FRMD4A: variants seen among roughly 807,000 people sequenced by gnomAD.
FRMD4A encodes the protein FERM domain-containing protein 4A.
A neutral mutation model predicts 129.1 loss-of-function variants in FRMD4A; 29 were observed. The ratio of observed to expected loss-of-function variants is 0.22; its 90% CI spans 0.17 to 0.31. FRMD4A has a LOEUF of 0.31. Ranked by LOEUF, FRMD4A falls within the 10% of genes least tolerant of loss-of-function variation. The pLI is 1.00. For synonymous variants in FRMD4A, 634 were observed against 571.6 expected (o/e 1.11, Z -1.56); for missense variants, 1,272 against 1,375.8 (o/e 0.92, Z 1.19).
intron 2 of FRMD4A, among the ~76,000 whole-genome samples, chr10:13,888,068 C>T (rs1333862850): frequency 1.3e-5 from 2 of 152,130 alleles, no homozygotes; most frequent in East Asian, 3.9e-4. Context: ...ACTCCAAAGC[C>T]CAAAGTTCCA....
intron 2 of FRMD4A, among the ~76,000 whole-genome samples, chr10:13,941,589 A>T (rs2095293036): frequency 6.6e-6 from 1 of 152,218 alleles, no homozygotes; most frequent in South Asian, 2.1e-4. Context: ...AGGCAGGTTA[A>T]CTAGAGGAGC....
intron 4 of FRMD4A, among the ~76,000 whole-genome samples, chr10:13,808,294 C>T (rs2093390771): frequency 6.6e-6 from 1 of 152,222 alleles, no homozygotes; most frequent in Admixed American, 6.5e-5. Context: ...TACTGTAAAA[C>T]ACACAGTGTA....
intron 2 of FRMD4A, among the ~76,000 whole-genome samples, chr10:14,174,228 G>C (rs1841616280): frequency 6.6e-6 from 1 of 152,006 alleles, no homozygotes; most frequent in Admixed American, 6.5e-5. Flanking sequence ...CGCCGTTCCT[G>C]GAGAAGCCTG....
intron 2 of FRMD4A, among the ~76,000 whole-genome samples, chr10:14,069,370 T>C (rs1356742546): frequency 6.6e-6 from 1 of 152,168 alleles, no homozygotes; most frequent in Non-Finnish European, 1.5e-5. Context: ...GCCTTAGAGA[T>C]GGACTCCTTG....
rs1353087186 is a variant in FRMD4A, at chr10:14,045,892, T to G, written c.46-186980A>C. On this transcript the variant is annotated intron_variant, in intron 2 of 24. Transcript: ENST00000357447. The stretch of plus-strand genomic sequence containing the variant: ...CATATTATATATGGTATAATTATGA[T>G]AGTAAAACTATATTATAATTATCAT... Among the ~76,000 whole-genome samples, 9 of 147,140 alleles carry G rather than the reference T, an allele frequency of 6.1e-5. No individual in the cohort carries two copies. The East Asian group carries it at 1.8e-3, about 29-fold the overall frequency.
chr10:13,653,090 G>T (rs530360485), intron 23 of FRMD4A: 107 of 152,374 alleles, frequency 7.0e-4, no homozygotes, highest in African/African-American at 2.5e-3. Context: ...GATGAGGATT[G>T]TATGAGCTCA....
chr10:13,962,976 G>C (rs146881160), intron 2 of FRMD4A, among the ~76,000 whole-genome samples: 145 of 152,338 alleles, frequency 9.5e-4, no homozygotes, highest in African/African-American at 3.1e-3. Context: ...CTGTTAGGTT[G>C]TTTGCAAATA....
Position 14,188,941 on chromosome 10 carries a change from C to T in FRMD4A, c.45+141117G>A, listed in dbSNP as rs1209360921. On this transcript the variant is annotated intron_variant, in intron 2 of 24. Coordinates refer to ENST00000357447, the MANE Select transcript of FRMD4A (RefSeq NM_018027.5). Reference sequence around the variant, plus strand: ...CCAAACAAAATCCCGCCCAAAACAACTCCTTTCTGGGAAGCTTTCCCTGAG... The same window carrying T: ...CCAAACAAAATCCCGCCCAAAACAATTCCTTTCTGGGAAGCTTTCCCTGAG... 2.0e-5 allele frequency among the ~76,000 whole-genome samples: 3 copies of T among 152,316 alleles called. No individual in the cohort carries two copies. In the East Asian group the frequency reaches 5.8e-4, roughly 29 times the overall value.
intron 2 of FRMD4A, among the ~76,000 whole-genome samples, 163 bp downstream of exon 2, chr10:14,329,895 A>G (rs1439350255): frequency 6.6e-6 from 1 of 152,174 alleles, no homozygotes; most frequent in Non-Finnish European, 1.5e-5. Context: ...GTGCTTTGTC[A>G]TGCTGATACT....
At chr10:14,238,889 T>G (rs1843928243) in intron 2 of FRMD4A, among the ~76,000 whole-genome samples, 1 of 152,240 alleles carries the variant, frequency 6.6e-6, no homozygotes, top group Non-Finnish European at 1.5e-5. Context: ...CTGCATAGTA[T>G]TCCATGGTGT....
At chr10:13,902,840 A>T (rs1477082265) in intron 2 of FRMD4A, among the ~76,000 whole-genome samples, 1 of 123,706 alleles carries the variant, frequency 8.1e-6, no homozygotes, top group African/African-American at 3.7e-5. Flanking sequence ...ATGCAGTCTC[A>T]AAAAAAAAAA....
chr10:14,205,733 CGAGGTGGAGACTGCAGA>C (rs1236681627), intron 2 of FRMD4A, among the ~76,000 whole-genome samples: 1 of 139,078 alleles, frequency 7.2e-6, no homozygotes, highest in East Asian at 2.2e-4. Context: ...CTTGAAGCTG[CGAGGTGGAGACTGCAGA>C]GAGGTGAGAA....
At chr10:14,066,639 A>C (rs1835073671) in intron 2 of FRMD4A, among the ~76,000 whole-genome samples, 1 of 152,106 alleles carries the variant, frequency 6.6e-6, no homozygotes. Flanking sequence ...TGTGTGCCGC[A>C]CTCTGAATTC....
At chr10:13,673,696 TTAAA>T (rs958268711) in intron 16 of FRMD4A, among the ~76,000 whole-genome samples, 60 of 151,800 alleles carry the variant, frequency 4.0e-4, no homozygotes, top group African/African-American at 1.1e-3. Flanking sequence ...AAATGGATAT[TTAAA>T]TAAATAAAGA....
intron 2 of FRMD4A, among the ~76,000 whole-genome samples, chr10:13,888,656 G>C (rs571364904): frequency 6.6e-6 from 1 of 152,284 alleles, no homozygotes; most frequent in Non-Finnish European, 1.5e-5. Context: ...AAGATGCTGA[G>C]ATTTTGCACA....
At chr10:14,200,532 A>G (rs182973999) in intron 2 of FRMD4A, among the ~76,000 whole-genome samples, 238 of 152,272 alleles carry the variant, frequency 1.6e-3, no homozygotes, top group African/African-American at 5.5e-3. Context: ...ACCTCAGGTG[A>G]TATCATTTTG....
intron 2 of FRMD4A, among the ~76,000 whole-genome samples, chr10:13,991,360 C>T (rs2095602643): frequency 1.3e-5 from 2 of 152,188 alleles, no homozygotes; most frequent in Non-Finnish European, 2.9e-5. Flanking sequence ...GGCATAGCTG[C>T]AGCTTGTATG....
intron 3 of FRMD4A, among the ~76,000 whole-genome samples, chr10:13,850,988 G>T (rs1435194916): frequency 6.6e-6 from 1 of 152,236 alleles, no homozygotes; most frequent in African/African-American, 2.4e-5. Flanking sequence ...GCCAAGGCGG[G>T]TGGATCACCT....
At chr10:14,181,046 T>A (rs1322693642) in intron 2 of FRMD4A, among the ~76,000 whole-genome samples, 1 of 152,246 alleles carries the variant, frequency 6.6e-6, no homozygotes, top group Non-Finnish European at 1.5e-5. Flanking sequence ...TTGCCTAAAG[T>A]TATCAGCAAT....
Sources: gnomAD v4.1 joint callset for allele counts (sites outside exome capture counted in the v4.1 genomes callset) on GRCh38, gnomAD v4.1.1 for gene constraint, MANE v1.5 for transcripts, NCBI Gene and HGNC (gene_info 2026-07-23, HGNC 2026-07-21) for gene names.